Variants in EGF observed in about 807,000 individuals in gnomAD.
The protein encoded by EGF is pro-epidermal growth factor.
Under a neutral mutation model 143.8 loss-of-function variants are expected in EGF, and 95 were observed. The ratio of observed to expected loss-of-function variants is 0.66; its 90% CI spans 0.56 to 0.78. The LOEUF (loss-of-function observed/expected upper bound fraction) is 0.78. Ranked by LOEUF, EGF falls within the 30% of genes least tolerant of loss-of-function variation. The pLI, the probability that EGF is intolerant of heterozygous loss-of-function variation, is 0.00. For missense variants in EGF, 1,320 were observed against 1,470.9 expected (o/e 0.90, Z 1.68); for synonymous variants, 510 against 510.5 (o/e 1.00, Z 0.01).
chr4:109,916,726 T>A (rs1736723444), intron 1 of EGF, among the ~76,000 whole-genome samples: 4 of 144,482 alleles, frequency 2.8e-5, no homozygotes, highest in Admixed American at 2.1e-4. Context: ...AAACACTCGA[T>A]AAGCCCGAGA....
chr4:109,943,251 CAG>C lies in EGF; in HGVS notation c.330_331del, dbSNP rs1386870930. The C allele has an allele frequency of 2.5e-6, 4 of 1,573,160 alleles. No homozygotes were observed. In the South Asian group the frequency reaches 4.8e-5, roughly 19 times the overall value. ...ATAACAATTTTAAAATTTGATTTTGCAGAGAGTATGTAATATAGAGAAAAATG... is the reference window on the plus strand; with the variant it reads ...ATAACAATTTTAAAATTTGATTTTGCAGAGTATGTAATATAGAGAAAAATG... On this transcript the variant is annotated splice_acceptor_variant, in intron 2 of 23. Coordinates refer to ENST00000265171, the MANE Select transcript of EGF (RefSeq NM_001963.6). LOFTEE classifies it high-confidence loss of function.
intron 15 of EGF, among the ~76,000 whole-genome samples, chr4:109,981,241 G>C (rs553953246): frequency 6.6e-6 from 1 of 152,246 alleles, no homozygotes; most frequent in Non-Finnish European, 1.5e-5. Flanking sequence ...GTGGGTCCCA[G>C]GCTTGGAAAT....
chr4:109,978,063 TGTAA>T (rs1308345517), intron 13 of EGF, among the ~76,000 whole-genome samples: 1 of 152,230 alleles, frequency 6.6e-6, no homozygotes, highest in Non-Finnish European at 1.5e-5. Context: ...TATTAAATTA[TGTAA>T]GTAACATTCC....
rs11568955 is a variant in EGF, at chr4:109,963,401, G to A, written c.1438+103G>A. The A allele has an allele frequency of 1.5e-3, 2,258 of 1,501,424 alleles. 41 individuals are homozygous for A. The African/African-American group carries it at 0.027, about 18-fold the overall frequency. 93.0% of individuals were successfully genotyped at this position (1,501,424 alleles called of 1,614,324 possible). ...TAACTGCTTATGGTTTTGTATTTTTGAAATGGAAAAAAAGCAAATCACATT... is the reference window on the plus strand; with the variant it reads ...TAACTGCTTATGGTTTTGTATTTTTAAAATGGAAAAAAAGCAAATCACATT... On this transcript the variant is annotated intron_variant, in intron 9 of 23. Coordinates refer to ENST00000265171, the MANE Select transcript of EGF (RefSeq NM_001963.6).
In EGF at chr4:110,011,743, A is replaced by G. The variant is rs182193683; in HGVS notation, c.*288A>G. On this transcript the variant is annotated 3_prime_UTR_variant, in exon 24 of 24. Transcript: ENST00000265171. ...TAAATTGTGTTGTCTTCAGCAGTCA[A>G]TACAAATAGATTTTTGTTTTTGTTG... 2.3e-6 allele frequency: 1 copy of G among 441,098 alleles called. No individual in the cohort carries two copies. The highest frequency in any genetic ancestry group is 3.7e-5 in the Admixed American group (1 of 26,852). The allele number at this position is 441,098 out of a possible 1,614,324, so 27.3% of individuals were successfully genotyped here.
In EGF at chr4:109,964,428, A is replaced by G. The variant is rs760433446; in HGVS notation, c.1466A>G (p.Asn489Ser). 1.2e-6 allele frequency: 2 copies of G among 1,613,976 alleles called. No homozygotes were observed. Among genetic ancestry groups the G allele is most frequent in the African/African-American group, 1.3e-5 (1 of 75,024 alleles). Residue 489 changes from asparagine (N) to serine (S), a missense_variant, in exon 10 of 24, where the codon AAT becomes AGT. By Grantham distance (46) the Asn-to-Ser change is conservative (BLOSUM62 1). Transcript: ENST00000265171. ...SGPQPFLLFA[N>S]SQDIRHMHFD... ...CCACAACCATTTTTGCTGTTTGCCA[A>G]TTCTCAAGATATTCGACACATGCAT...
chr4:110,008,325 C>T (rs771365158), intron 23 of EGF, 95 bp downstream of exon 23: 145 of 1,403,296 alleles, frequency 1.0e-4, no homozygotes, highest in Non-Finnish European at 1.3e-4. Context: ...CACACACACA[C>T]ACAAACAAAA....
chr4:109,921,745 G>A (rs751315665), intron 1 of EGF, among the ~76,000 whole-genome samples: 1 of 151,526 alleles, frequency 6.6e-6, no homozygotes, highest in African/African-American at 2.5e-5. Flanking sequence ...CAGCTGCCTT[G>A]TTCTTCAGCA....
At chr4:109,974,604 G>T (rs900147142) in intron 11 of EGF, 99 bp from the exon 12 acceptor site, 1 of 861,906 alleles carries the variant, frequency 1.2e-6, no homozygotes. Context: ...AGCTGGTTTA[G>T]AATGCCTATC....
chr4:109,987,336 C>T (rs909725052), intron 16 of EGF, among the ~76,000 whole-genome samples: 5 of 151,866 alleles, frequency 3.3e-5, no homozygotes, highest in Non-Finnish European at 5.9e-5. Context: ...CAGTGTCTCA[C>T]TTTGTCACCC....
chr4:109,959,050 T>C (rs1468829085), intron 5 of EGF: 1 of 483,908 alleles, frequency 2.1e-6, no homozygotes, highest in East Asian at 3.9e-5. Flanking sequence ...ATAAGTAGTG[T>C]TTAGTATTCG....
intron 1 of EGF, among the ~76,000 whole-genome samples, chr4:109,935,817 C>T (rs1476064929): frequency 1.3e-5 from 2 of 152,024 alleles, no homozygotes; most frequent in Non-Finnish European, 2.9e-5. Flanking sequence ...TGGTTTTTGT[C>T]GTTGGTTCTG....
chr4:109,925,252 CAAAT>C (rs1056584212), intron 1 of EGF, among the ~76,000 whole-genome samples: 9 of 152,102 alleles, frequency 5.9e-5, no homozygotes, highest in Non-Finnish European at 1.2e-4. Flanking sequence ...CCTTTGTAAA[CAAAT>C]ACTGCTGAAA....
At chr4:109,976,811 A>G (rs1223482986) in intron 13 of EGF, among the ~76,000 whole-genome samples, 1 of 152,256 alleles carries the variant, frequency 6.6e-6, no homozygotes, top group Non-Finnish European at 1.5e-5. Context: ...CATGTGGTAA[A>G]TAGATGATGA....
rs757116955 is a variant in EGF, at chr4:109,943,912, G to A, written c.580G>A (p.Ala194Thr). The A allele has an allele frequency of 5.3e-5, 85 of 1,613,980 alleles. No homozygotes were observed. The highest frequency in any genetic ancestry group is 7.0e-5 in the Non-Finnish European group (83 of 1,180,004). The change falls in exon 4 of 24, where the codon GCT (alanine) becomes ACT (threonine). Residue 194 changes from alanine to threonine, a missense_variant. Physicochemically the swap from Ala to Thr is moderately conservative, Grantham distance 58. Around this residue, in one of 5 missense-constraint regions of EGF, gnomAD observed 1,186 missense variants for 1,313.7 expected, o/e 0.90. Coordinates refer to ENST00000265171, the MANE Select transcript of EGF (RefSeq NM_001963.6). ...RADLDGVGVK[A>T]LLETSEKITA... The stretch of plus-strand genomic sequence containing the variant: ...AGATCTCGATGGTGTGGGAGTGAAG[G>A]CTCTGTTGGAGACATCAGAGAAAAT...
At chr4:109,955,875 C>T (rs1177842863) in intron 5 of EGF, among the ~76,000 whole-genome samples, 6 of 152,018 alleles carry the variant, frequency 3.9e-5, no homozygotes, top group Non-Finnish European at 1.5e-5. Flanking sequence ...AAAAAAGATG[C>T]ATATACATAA....
intron 1 of EGF, among the ~76,000 whole-genome samples, chr4:109,923,326 A>G (rs73841104): frequency 0.026 from 3,953 of 151,532 alleles, 303 homozygotes; most frequent in African/African-American, 0.091. Context: ...ATTTTTGTCT[A>G]TTTGTCTAGA....
intron 1 of EGF, among the ~76,000 whole-genome samples, chr4:109,937,178 T>C (rs777358844): frequency 6.6e-6 from 1 of 152,152 alleles, no homozygotes; most frequent in Non-Finnish European, 1.5e-5. Flanking sequence ...AGTCTCTTTG[T>C]AGGTCTCTAA....
chr4:109,984,574 A>G (rs1749861253), intron 16 of EGF, among the ~76,000 whole-genome samples: 1 of 152,142 alleles, frequency 6.6e-6, no homozygotes, highest in African/African-American at 2.4e-5. Context: ...GGTATACAAA[A>G]CATCAGGCAT....
Sources: allele counts gnomAD v4.1 joint callset (sites outside exome capture counted in the v4.1 genomes callset), GRCh38; gene constraint gnomAD v4.1.1; regional missense constraint gnomAD v4.1.1; transcripts MANE v1.5; gene names NCBI Gene and HGNC (gene_info 2026-07-23, HGNC 2026-07-21).